The following PNPLA7 variants were observed in gnomAD, a reference collection of about 807,000 sequenced individuals.
PNPLA7 encodes the protein patatin like domain 7, lysophospholipase, also known as patatin-like phospholipase domain-containing protein 7.
PNPLA7 carries 153 observed loss-of-function variants against 161.7 expected under a neutral mutation model. The ratio of observed to expected loss-of-function variants is 0.95; its 90% CI spans 0.83 to 1.08. The LOEUF (loss-of-function observed/expected upper bound fraction) is 1.08, where lower values mean the gene tolerates loss of function less well. PNPLA7 is among the 50% of genes least tolerant of loss of function. The pLI is 0.00. For missense variants in PNPLA7, 1,739 were observed against 1,856.6 expected, an observed-to-expected ratio of 0.94 and a Z score of 1.16; for synonymous variants, 809 against 782.1, an observed-to-expected ratio of 1.03 and a Z score of -0.57.
intron 20 of PNPLA7, chr9:137,491,971 C>T (rs1832785634): frequency 2.0e-6 from 2 of 985,460 alleles, no homozygotes; most frequent in Non-Finnish European, 2.4e-6. Context: ...AGCAGCCAGG[C>T]TCTTCTGAGG....
chr9:137,497,996 G>A, intron 17 of PNPLA7, 118 bp downstream of exon 17: 3 of 1,471,210 alleles, frequency 2.0e-6, no homozygotes, highest in Non-Finnish European at 2.8e-6. Flanking sequence ...AGCCTTCCAT[G>A]TGTGGTTTCC....
chr9:137,485,324 ACGC>A (rs1166251522), intron 20 of PNPLA7, among the ~76,000 whole-genome samples: 18 of 151,812 alleles, frequency 1.2e-4, no homozygotes, highest in African/African-American at 4.1e-4. Context: ...AACCAGACAA[ACGC>A]TGCAGGTAAG....
At position 137,497,279 on chromosome 9, in the gene PNPLA7, T is replaced by C; in HGVS notation, c.1921A>G (p.Met641Val). 1 of 1,587,596 alleles carries C rather than the reference T, an allele frequency of 6.3e-7. No individual in the cohort carries two copies. The highest frequency in any genetic ancestry group is 1.2e-5 in the South Asian group (1 of 86,944). The change falls in exon 18 of 35, where the codon ATG (methionine) becomes GTG (valine). Residue 641 changes from methionine (M) to valine (V), a missense_variant. Physicochemically the swap from Met to Val is conservative, Grantham distance 21. Around this residue, in one of 6 missense-constraint regions of PNPLA7, gnomAD observed 481 missense variants for 450.0 expected, o/e 1.07. Transcript: ENST00000406427. ...QGDKSDCTYIMLSGRLRSVIR... is the reference protein window; with the variant it reads ...QGDKSDCTYIVLSGRLRSVIR... ...ACAGAGCGCAGCCGGCCGCTGAGCA[T>C]GATGTACGTGCAGTCGGACTTGTCC...
At chr9:137,509,908 G>A in intron 12 of PNPLA7, 1 of 331,618 alleles carries the variant, frequency 3.0e-6, no homozygotes, top group Non-Finnish European at 6.1e-6. Flanking sequence ...TCATTAGTTG[G>A]TAGTAATTAC....
intron 23 of PNPLA7, chr9:137,479,971 G>A (rs931050194): frequency 1.6e-5 from 14 of 895,936 alleles, no homozygotes; most frequent in Non-Finnish European, 1.7e-5. Context: ...CCTAAGTGCT[G>A]TGGAGAAAAG....
rs1277726299 is a variant in PNPLA7 at position 137,461,825 on chromosome 9, TGTG to T, written c.3756+103_3756+105del. 3.7e-5 allele frequency: 49 copies of T among 1,311,772 alleles called. 1 individual carries two copies. Among genetic ancestry groups the T allele is most frequent in the Middle Eastern group, 2.7e-4 (1 of 3,728 alleles). 81.3% of individuals were successfully genotyped at this position (1,311,772 alleles called of 1,614,324 possible). ...AGTCTTTGGCCAGGGGGGCAGGGCC[TGTG>T]GCCTGAGGAGCTGGGCGTGGCCTGA... On this transcript the variant is annotated intron_variant, in intron 32 of 34. Transcript: ENST00000406427.
intron 4 of PNPLA7, among the ~76,000 whole-genome samples, chr9:137,545,351 G>T (rs2132651116): frequency 6.6e-6 from 1 of 152,296 alleles, no homozygotes; most frequent in East Asian, 1.9e-4. Flanking sequence ...CCTCAGCTCA[G>T]CATCCCAAAG....
At chr9:137,506,603 T>A (rs1400398228) in intron 12 of PNPLA7, among the ~76,000 whole-genome samples, 1 of 152,146 alleles carries the variant, frequency 6.6e-6, no homozygotes, top group African/African-American at 2.4e-5. Flanking sequence ...CTCTTCGCAG[T>A]CCAGCCCCAT....
chr9:137,518,956 T>A, intron 11 of PNPLA7, among the ~76,000 whole-genome samples: 3 of 99,526 alleles, frequency 3.0e-5, no homozygotes, highest in Non-Finnish European at 5.8e-5. Flanking sequence ...CCATCCTCAC[T>A]CACTCACTCC....
At chr9:137,546,705 C>A in intron 4 of PNPLA7, 125 bp downstream of exon 4, 6 of 792,048 alleles carry the variant, frequency 7.6e-6, no homozygotes, top group Non-Finnish European at 1.0e-5. Flanking sequence ...AGCTGGGAAG[C>A]TGGGGAGAGG....
chr9:137,541,465 G>A lies in PNPLA7; in HGVS notation c.667-743C>T, dbSNP rs1046216388. 1.8e-5 allele frequency: 18 copies of A among 985,324 alleles called. No individual in the cohort carries two copies. The highest frequency in any genetic ancestry group is 5.2e-4 in the Middle Eastern group (1 of 1,936). 61.0% of individuals were successfully genotyped at this position (985,324 alleles called of 1,614,324 possible). A position where few individuals can be genotyped will look rare whatever the true frequency, so the allele number is the denominator to read the frequency against. On this transcript the variant is annotated intron_variant, in intron 7 of 34. Coordinates refer to ENST00000406427, the MANE Select transcript of PNPLA7 (RefSeq NM_001098537.3). The surrounding 1 kb of genome is among the most constrained non-coding windows in gnomAD (Gnocchi z 4.4). ...GCAGCGCTTTTGGTCTAGAAACCCC[G>A]ACAGGCAGTGCCGGAGCTGGCGTGG...
chr9:137,501,188 G>A (rs1010002506), intron 15 of PNPLA7, among the ~76,000 whole-genome samples: 10 of 152,212 alleles, frequency 6.6e-5, no homozygotes, highest in African/African-American at 1.7e-4. Context: ...TGGCAAATGC[G>A]CGTCAGCCCA....
intron 9 of PNPLA7, among the ~76,000 whole-genome samples, chr9:137,522,264 C>A (rs547112094): frequency 1.3e-5 from 2 of 151,156 alleles, no homozygotes; most frequent in Non-Finnish European, 2.9e-5. Context: ...TTAGCAGAGA[C>A]GGGGTTTCAC....
chr9:137,535,656 G>A (rs1835844971), intron 8 of PNPLA7, among the ~76,000 whole-genome samples: 1 of 151,750 alleles, frequency 6.6e-6, no homozygotes, highest in Non-Finnish European at 1.5e-5. Flanking sequence ...GGGAGGCTGA[G>A]GCAGGAGAAT....
intron 19 of PNPLA7, among the ~76,000 whole-genome samples, chr9:137,493,988 A>G (rs976271338): frequency 6.6e-6 from 1 of 152,148 alleles, no homozygotes; most frequent in Non-Finnish European, 1.5e-5. Context: ...TGAGTGGGAG[A>G]AGCGCTACCT....
chr9:137,507,487 T>TG (rs1478244242), intron 12 of PNPLA7, among the ~76,000 whole-genome samples: 1 of 152,058 alleles, frequency 6.6e-6, no homozygotes, highest in Non-Finnish European at 1.5e-5. Context: ...CTGACCAACA[T>TG]GGAGAAACCC....
In PNPLA7 at chr9:137,524,412, G is replaced by A. The variant is rs1261717773; in HGVS notation, c.748-1555C>T. Reference sequence around the variant, plus strand: ...CCTGAGTGCTGGCTGCCTCATGGAGGCCTTGCAGTGTCTCCTCGTGAAGGC... The same window carrying A: ...CCTGAGTGCTGGCTGCCTCATGGAGACCTTGCAGTGTCTCCTCGTGAAGGC... On this transcript the variant is annotated intron_variant, in intron 8 of 34. Transcript: ENST00000406427. The surrounding 1 kb of genome is among the most constrained non-coding windows in gnomAD (Gnocchi z 4.4). Among the ~76,000 whole-genome samples the A allele has an allele frequency of 6.6e-6, 1 of 151,582 alleles. No individual in the cohort carries two copies. Among genetic ancestry groups the A allele is most frequent in the Non-Finnish European group, 1.5e-5 (1 of 67,826 alleles).
chr9:137,506,410 C>T (rs1258854733), intron 12 of PNPLA7, among the ~76,000 whole-genome samples: 1 of 152,222 alleles, frequency 6.6e-6, no homozygotes, highest in African/African-American at 2.4e-5. Flanking sequence ...CAAACCTTGC[C>T]ATGCGTGCCA....
chr9:137,512,978 G>A (rs1163961494), intron 12 of PNPLA7, among the ~76,000 whole-genome samples: 31 of 146,082 alleles, frequency 2.1e-4, no homozygotes, highest in Admixed American at 6.8e-4. Flanking sequence ...AAAAAAAAAA[G>A]CTGTTACTTA....
Sources: gnomAD v4.1 joint callset for allele counts (sites outside exome capture counted in the v4.1 genomes callset) on GRCh38, gnomAD v4.1.1 for gene constraint, gnomAD v4.1.1 regional missense constraint, Gnocchi (gnomAD v3.1) non-coding constraint, MANE v1.5 for transcripts, NCBI Gene and HGNC (gene_info 2026-07-23, HGNC 2026-07-21) for gene names.